The following PLCG2 variants were observed in gnomAD, a reference collection of about 807,000 sequenced individuals.
PLCG2 encodes 1-phosphatidylinositol 4,5-bisphosphate phosphodiesterase gamma-2.
In PLCG2, 69 loss-of-function variants were observed where a neutral mutation model predicts 175.6. The observed-to-expected ratio is 0.39, with a 90% CI of 0.32 to 0.48. PLCG2 has a LOEUF of 0.48. Among genes scored for constraint, PLCG2 ranks in the 20% least tolerant of loss-of-function variants. The probability of loss-of-function intolerance (pLI) is 0.91; values close to 1 mark genes in which losing one functional copy is unlikely to be tolerated. For synonymous variants in PLCG2, 827 were observed against 624.0 expected (o/e 1.33, Z -4.85); for missense variants, 1,798 against 1,650.9 (o/e 1.09, Z -1.54).
intron 2 of PLCG2, among the ~76,000 whole-genome samples, chr16:81,807,030 G>A (rs1378669525): frequency 1.3e-5 from 2 of 152,204 alleles, no homozygotes; most frequent in Admixed American, 1.3e-4. Flanking sequence ...GGCTGCTCTG[G>A]TTGGCTTTCT....
Position 81,961,654 on chromosome 16 carries a change from G to A in PLCG2, c.*3656G>A, listed in dbSNP as rs530042945. 9.3e-6 allele frequency: 2 copies of A among 214,160 alleles called. No homozygotes were observed. The highest frequency in any genetic ancestry group is 4.5e-5 in the African/African-American group (2 of 44,380). 13.3% of individuals were successfully genotyped at this position (214,160 alleles called of 1,614,324 possible). A position where few individuals can be genotyped will look rare whatever the true frequency, so the allele number is the denominator to read the frequency against. ...TGCTACTAAAAATTGCCTTGTTCCA[G>A]GTAAGACTGATCATAAAAAAATGGC... On this transcript the variant is annotated 3_prime_UTR_variant, in exon 33 of 33. Transcript: ENST00000564138.
rs563505368 is a variant in PLCG2 at position 81,811,979 on chromosome 16, C to A, written c.193+25797C>A. On this transcript the variant is annotated intron_variant, in intron 2 of 32. Transcript: ENST00000564138. ...CACAATGGTTGAACTGATTTACACT[C>A]CTACCAACAGTGTAAAAGCATTCCT... Among the ~76,000 whole-genome samples the A allele has an allele frequency of 1.2e-3, 185 of 151,996 alleles. 1 individual carries two copies. The highest frequency in any genetic ancestry group is 1.2e-3 in the Non-Finnish European group (80 of 67,998).
intron 1 of PLCG2, among the ~76,000 whole-genome samples, chr16:81,754,154 G>A (rs917294985): frequency 6.6e-6 from 1 of 151,852 alleles, no homozygotes; most frequent in Non-Finnish European, 1.5e-5. Context: ...TAGGTTTGCC[G>A]CCTCCATCTC....
Position 81,950,075 on chromosome 16 carries a change from T to G in PLCG2, c.3570+3812T>G, listed in dbSNP as rs149416970. Reference sequence around the variant, plus strand: ...CTTGACCAAGAGAGTAAAAATAATGTAAAGAATCAGAATAAGTTAAAGCAA... The same window carrying G: ...CTTGACCAAGAGAGTAAAAATAATGGAAAGAATCAGAATAAGTTAAAGCAA... On this transcript the variant is annotated intron_variant, in intron 31 of 32. Coordinates refer to ENST00000564138, the MANE Select transcript of PLCG2 (RefSeq NM_002661.5). Among the ~76,000 whole-genome samples, 7 of 152,244 alleles carry G rather than the reference T, an allele frequency of 4.6e-5. No homozygotes were observed. In the East Asian group the frequency reaches 1.3e-3, roughly 29 times the overall value.
chr16:81,933,407 G>A (rs965420660), intron 25 of PLCG2, among the ~76,000 whole-genome samples: 5 of 152,170 alleles, frequency 3.3e-5, no homozygotes, highest in African/African-American at 7.2e-5. Context: ...CTAAGTGCCC[G>A]CATTGTTACA....
chr16:81,931,756 C>G lies in PLCG2; in HGVS notation c.2739+102C>G, dbSNP rs1214636697. ...GTCCAGGCAGCAGGATGAGCAGGCC[C>G]AGGTCCTACTCAGAATTCAGGAAGG... On this transcript the variant is annotated intron_variant, in intron 25 of 32. Transcript: ENST00000564138. The G allele has an allele frequency of 4.7e-5, 44 of 945,420 alleles. 1 individual carries two copies. In the South Asian group the frequency reaches 6.4e-4, roughly 14 times the overall value. The allele number at this position is 945,420 out of a possible 1,614,324, so 58.6% of individuals were successfully genotyped here.
chr16:81,808,148 G>T (rs958749242), intron 2 of PLCG2, among the ~76,000 whole-genome samples: 4 of 151,630 alleles, frequency 2.6e-5, no homozygotes, highest in African/African-American at 9.7e-5. Flanking sequence ...TCTCTTGGGT[G>T]TACACCTAGG....
At chr16:81,748,634 A>G (rs1259311736) in intron 1 of PLCG2, among the ~76,000 whole-genome samples, 3 of 152,128 alleles carry the variant, frequency 2.0e-5, no homozygotes, top group African/African-American at 7.2e-5. Context: ...TGTATAAACT[A>G]TTCAAATTGC....
chr16:81,917,362 T>G (rs11644729), intron 19 of PLCG2, among the ~76,000 whole-genome samples: 11,602 of 152,128 alleles, frequency 0.076, 625 homozygotes, highest in Middle Eastern at 0.15. Flanking sequence ...AACATGGGAG[T>G]GCAGCTTTCT....
At position 81,910,513 on chromosome 16, in the gene PLCG2, C is replaced by G; in HGVS notation, c.1734-7C>G. ...CTCCCAGCACTGATGGCGTCCTCTC[C>G]CCGCAGGCGGTCAGGCCGGGTCCAG... On this transcript the variant is annotated splice_polypyrimidine_tract_variant and splice_region_variant and intron_variant, in intron 17 of 32. Coordinates refer to ENST00000564138, the MANE Select transcript of PLCG2 (RefSeq NM_002661.5). 6.2e-7 allele frequency: 1 copy of G among 1,613,492 alleles called. No homozygotes were observed. The highest frequency in any genetic ancestry group is 8.5e-7 in the Non-Finnish European group (1 of 1,179,840).
At chr16:81,897,712 A>T (rs963295556) in intron 13 of PLCG2, among the ~76,000 whole-genome samples, 2 of 151,772 alleles carry the variant, frequency 1.3e-5, no homozygotes, top group African/African-American at 2.4e-5. Flanking sequence ...TGCCCGGCTA[A>T]TTTGTGTATT....
At chr16:81,756,280 T>C (rs1189820719) in intron 2 of PLCG2, among the ~76,000 whole-genome samples, 1 of 152,238 alleles carries the variant, frequency 6.6e-6, no homozygotes, top group Non-Finnish European at 1.5e-5. Context: ...TAGGGCTTCC[T>C]GTAGGAGTAT....
At chr16:81,749,192 C>G (rs1301274418) in intron 1 of PLCG2, among the ~76,000 whole-genome samples, 1 of 152,072 alleles carries the variant, frequency 6.6e-6, no homozygotes, top group Non-Finnish European at 1.5e-5. Context: ...AAGGTAGGAG[C>G]TAACTCAGCC....
chr16:81,791,169 T>C (rs1207940902), intron 2 of PLCG2, among the ~76,000 whole-genome samples: 1 of 152,158 alleles, frequency 6.6e-6, no homozygotes, highest in African/African-American at 2.4e-5. Context: ...GACTCAAACT[T>C]GCCCTTGCAA....
At chr16:81,925,336 A>G (rs753411101) in intron 22 of PLCG2, among the ~76,000 whole-genome samples, 4 of 152,076 alleles carry the variant, frequency 2.6e-5, no homozygotes, top group Non-Finnish European at 4.4e-5. Flanking sequence ...TATTGTCTGA[A>G]CCAAGATGCT....
At chr16:81,824,351 C>T (rs1198066004) in intron 2 of PLCG2, among the ~76,000 whole-genome samples, 1 of 152,162 alleles carries the variant, frequency 6.6e-6, no homozygotes, top group Non-Finnish European at 1.5e-5. Context: ...CCAGGCTGGT[C>T]TTGAACTCCT....
intron 5 of PLCG2, among the ~76,000 whole-genome samples, chr16:81,859,727 A>T (rs71400181): frequency 6.6e-6 from 1 of 152,010 alleles, no homozygotes; most frequent in Non-Finnish European, 1.5e-5. Context: ...TAGTAGAGAC[A>T]GGGTTTCACC....
At chr16:81,887,364 C>T (rs1908422384) in intron 9 of PLCG2, among the ~76,000 whole-genome samples, 1 of 152,124 alleles carries the variant, frequency 6.6e-6, no homozygotes, top group South Asian at 2.1e-4. Context: ...CATGATCCGC[C>T]CACCTCGGCC....
intron 1 of PLCG2, among the ~76,000 whole-genome samples, chr16:81,753,903 C>A (rs1278728013): frequency 6.6e-6 from 1 of 152,124 alleles, no homozygotes; most frequent in African/African-American, 2.4e-5. Flanking sequence ...GAGACTCCCC[C>A]ATCCCTGGGC....
Sources: gnomAD v4.1 joint callset for allele counts (sites outside exome capture counted in the v4.1 genomes callset) on GRCh38, gnomAD v4.1.1 for gene constraint, MANE v1.5 for transcripts, NCBI Gene and HGNC (gene_info 2026-07-23, HGNC 2026-07-21) for gene names.